AXL: variants seen among roughly 807,000 people sequenced by gnomAD.
The protein encoded by AXL is tyrosine-protein kinase receptor UFO.
In AXL, 52 loss-of-function variants were observed where a neutral mutation model predicts 104.5. The ratio of observed to expected loss-of-function variants is 0.50; its 90% confidence interval spans 0.40 to 0.63. The LOEUF (loss-of-function observed/expected upper bound fraction) is 0.63, where lower values mean the gene tolerates loss of function less well. Ranked by LOEUF, AXL falls within the 20% of genes least tolerant of loss-of-function variation. AXL has a pLI of 0.00. For synonymous variants in AXL, 455 were observed against 473.7 expected (o/e 0.96, Z 0.51); for missense variants, 1,024 against 1,188.5 (o/e 0.86, Z 2.04).
In AXL at chr19:41,260,381, G is replaced by C. The variant is rs2034521016; in HGVS notation, c.*477G>C. ...GGCTGGAGTGCAGTGGTGCAATCTC[G>C]CCTCACTGCAACCTTCACCTACCGA... On this transcript the variant is annotated 3_prime_UTR_variant, in exon 20 of 20. Transcript: ENST00000301178. 1 of 139,790 alleles carries C rather than the reference G, an allele frequency of 7.2e-6. No individual in the cohort carries two copies. The highest frequency in any genetic ancestry group is 3.0e-5 in the African/African-American group (1 of 33,656). The allele number at this position is 139,790 out of a possible 1,614,324, so 8.7% of individuals were successfully genotyped here.
In AXL at chr19:41,221,159, C is replaced by T; in HGVS notation, c.322C>T (p.Gln108Ter). The T allele has an allele frequency of 6.2e-7, 1 of 1,613,952 alleles. No homozygotes were observed. The highest frequency in any genetic ancestry group is 8.5e-7 in the Non-Finnish European group (1 of 1,179,906). Residue 108 changes from glutamine to a stop codon, truncating the protein, a stop_gained, in exon 3 of 20, where the codon CAG becomes TAG. Coordinates refer to ENST00000301178, the MANE Select transcript of AXL (RefSeq NM_021913.5). LOFTEE classifies it high-confidence loss of function. ...TTGCCCTGTCAGAATCACCTCCCTG[C>T]AGCTTTCCGACACGGGACAGTACCA... ...VVSQLRITSLQLSDTGQYQCL... is the reference protein window; with the variant it reads ...VVSQLRITSL
At chr19:41,253,469 G>A (rs1472763555) in intron 16 of AXL, 130 bp from the exon 17 acceptor site, 1 of 692,012 alleles carries the variant, frequency 1.4e-6, no homozygotes, top group Admixed American at 2.3e-5. Context: ...ATGGAGAGGG[G>A]TTGGGTTGAA....
At chr19:41,247,830 C>T (rs140309009) in intron 12 of AXL, among the ~76,000 whole-genome samples, 2 of 151,872 alleles carry the variant, frequency 1.3e-5, no homozygotes, top group South Asian at 2.1e-4. Context: ...AGTGATCCAC[C>T]GGCCTCTGCC....
intron 6 of AXL, among the ~76,000 whole-genome samples, chr19:41,237,367 C>A (rs1210002274): frequency 6.6e-6 from 1 of 152,118 alleles, no homozygotes; most frequent in African/African-American, 2.4e-5. Flanking sequence ...CGCAGCCTCC[C>A]GAGTAGCTGG....
chr19:41,257,649 C>T lies in AXL; in HGVS notation c.2333+20C>T, dbSNP rs2034476288. On this transcript the variant is annotated intron_variant, in intron 19 of 19. Coordinates refer to ENST00000301178, the MANE Select transcript of AXL (RefSeq NM_021913.5). Reference sequence around the variant, plus strand: ...TGGACTGTGAGGACCCTTAGGTCTCCCCCAACCCAGAATTCATTCCAAACC... The same window carrying T: ...TGGACTGTGAGGACCCTTAGGTCTCTCCCAACCCAGAATTCATTCCAAACC... The T allele has an allele frequency of 6.2e-7, 1 of 1,613,788 alleles. No homozygotes were observed. Among genetic ancestry groups the T allele is most frequent in the Admixed American group, 1.7e-5 (1 of 60,014 alleles).
In AXL at chr19:41,252,453, G is replaced by A. The variant is rs2034381418; in HGVS notation, c.1804+10G>A. On this transcript the variant is annotated intron_variant, in intron 15 of 19. Coordinates refer to ENST00000301178, the MANE Select transcript of AXL (RefSeq NM_021913.5). The stretch of plus-strand genomic sequence containing the variant: ...GTCATGAGGCTCATCGGTGAGAGAG[G>A]GGCAGATTCAAGGGGTCTACAAGCC... The A allele has an allele frequency of 1.9e-6, 3 of 1,613,656 alleles. No homozygotes were observed. The highest frequency in any genetic ancestry group is 2.5e-6 in the Non-Finnish European group (3 of 1,179,634).
chr19:41,227,300 T>G (rs1332041444), intron 4 of AXL, among the ~76,000 whole-genome samples: 1 of 152,118 alleles, frequency 6.6e-6, no homozygotes, highest in East Asian at 1.9e-4. Flanking sequence ...ACACATAACT[T>G]TCTTTTTCCT....
Position 41,240,355 on chromosome 19 carries a change from G to T in AXL, c.1312+635G>T, listed in dbSNP as rs1599734751. Among the ~76,000 whole-genome samples the T allele has an allele frequency of 2.0e-5, 3 of 150,396 alleles. 1 individual carries two copies. The South Asian group carries it at 6.4e-4, about 32-fold the overall frequency. Reference sequence around the variant, plus strand: ...ACAAAAGATGACTGGGTGGTGAGTGGATATATGGATGGGTAGATGGGTGGA... The same window carrying T: ...ACAAAAGATGACTGGGTGGTGAGTGTATATATGGATGGGTAGATGGGTGGA... On this transcript the variant is annotated intron_variant, in intron 10 of 19. Transcript: ENST00000301178.
At chr19:41,256,684 G>A in intron 18 of AXL, 73 bp downstream of exon 18, 4 of 1,574,758 alleles carry the variant, frequency 2.5e-6, no homozygotes, top group East Asian at 2.3e-5. Context: ...ATGCCTGGGT[G>A]GCTGTGGATG....
rs765153721 is a variant in AXL at position 41,219,367 on chromosome 19, C to A, written c.-26C>A. ...GCCCCCTCCCCCGCTGGGAGCCCAA[C>A]AACTTCTGAGGAAAGTTTGGCACCC... On this transcript the variant is annotated 5_prime_UTR_variant, in exon 1 of 20. Coordinates refer to ENST00000301178, the MANE Select transcript of AXL (RefSeq NM_021913.5). 6.4e-7 allele frequency: 1 copy of A among 1,568,644 alleles called. No individual in the cohort carries two copies.
rs925408624 is a variant in AXL at position 41,252,787 on chromosome 19, G to T, written c.1805-59G>T. 10 of 1,606,194 alleles carry T rather than the reference G, an allele frequency of 6.2e-6. No individual in the cohort carries two copies. In the African/African-American group the frequency reaches 1.3e-4, roughly 21 times the overall value. The stretch of plus-strand genomic sequence containing the variant: ...AAGGAGAGGCTGGAGGCTGGCTGGT[G>T]GGGGGCTTGGCTTCCCCTTCTGCCC... On this transcript the variant is annotated intron_variant, in intron 15 of 19. Coordinates refer to ENST00000301178, the MANE Select transcript of AXL (RefSeq NM_021913.5).
At chr19:41,246,647 G>A (rs1257842769) in intron 12 of AXL, among the ~76,000 whole-genome samples, 2 of 152,022 alleles carry the variant, frequency 1.3e-5, no homozygotes, top group Non-Finnish European at 2.9e-5. Context: ...CCTGGGAGGC[G>A]GAAGTTGCAG....
intron 6 of AXL, among the ~76,000 whole-genome samples, chr19:41,235,535 G>A (rs1216985102): frequency 1.3e-5 from 2 of 152,164 alleles, no homozygotes; most frequent in African/African-American, 4.8e-5. Context: ...CACACAGCTA[G>A]GGAATGATAG....
chr19:41,221,491 G>C (rs1599723871), intron 3 of AXL: 2 of 518,304 alleles, frequency 3.9e-6, no homozygotes, highest in East Asian at 6.7e-5. Flanking sequence ...GGGGTAGTTG[G>C]ATGTCCTAGG....
rs550455192 is a variant in AXL, at chr19:41,220,739, G to C, written c.189G>C (p.Glu63Asp). ...GGTGTCAGCTCCAGGTTCAGGGAGA[G>C]CCCCCCGAGGTACATTGGCTTCGGG... The part of the protein sequence containing the change: ...TLRCQLQVQG[E>D]PPEVHWLRDG... Residue 63 changes from glutamate to aspartate, a missense_variant, in exon 2 of 20, where the codon GAG becomes GAC. Physicochemically the swap from Glu to Asp is conservative, Grantham distance 45 (BLOSUM62 2). Coordinates refer to ENST00000301178, the MANE Select transcript of AXL (RefSeq NM_021913.5). 2.5e-6 allele frequency: 4 copies of C among 1,614,150 alleles called. No homozygotes were observed. The South Asian group carries it at 3.3e-5, about 13-fold the overall frequency.
intron 10 of AXL, 53 bp downstream of exon 10, chr19:41,239,773 G>C: frequency 6.2e-7 from 1 of 1,601,864 alleles, no homozygotes; most frequent in Non-Finnish European, 8.6e-7. Context: ...CACCTAGTGG[G>C]GGCACTGTCA....
intron 12 of AXL, among the ~76,000 whole-genome samples, chr19:41,244,596 C>T (rs575403922): frequency 2.0e-5 from 3 of 152,160 alleles, no homozygotes; most frequent in South Asian, 4.2e-4. Context: ...TCTTATGCCT[C>T]GGCCTCCCGA....
chr19:41,251,709 G>A (rs1474982083), intron 14 of AXL, among the ~76,000 whole-genome samples: 2 of 151,556 alleles, frequency 1.3e-5, no homozygotes, highest in Admixed American at 6.6e-5. Flanking sequence ...GCAAGACCCT[G>A]TCTCAAAAAA....
Position 41,221,986 on chromosome 19 carries a change from C to G in AXL, c.516C>G (p.Leu172=). The change falls in exon 4 of 20, where the codon CTC becomes CTG. Residue 172 remains leucine, a synonymous_variant. Coordinates refer to ENST00000301178, the MANE Select transcript of AXL (RefSeq NM_021913.5). ...AQGPPEPVDL[L]WLQDAVPLAT... is the part of the protein sequence containing the mutation. ...GACCCCCAGAGCCCGTGGACCTACTCTGGCTCCAGGATGCTGTCCCCCTGG... is the reference window on the plus strand; with the variant it reads ...GACCCCCAGAGCCCGTGGACCTACTGTGGCTCCAGGATGCTGTCCCCCTGG... 1 of 1,610,878 alleles carries G rather than the reference C, an allele frequency of 6.2e-7. No homozygotes were observed. The highest frequency in any genetic ancestry group is 8.5e-7 in the Non-Finnish European group (1 of 1,178,768).
Sources: allele counts gnomAD v4.1 joint callset (sites outside exome capture counted in the v4.1 genomes callset), GRCh38; gene constraint gnomAD v4.1.1; transcripts MANE v1.5; gene names NCBI Gene and HGNC (gene_info 2026-07-23, HGNC 2026-07-21).